ASCC3: variants seen among roughly 807,000 people sequenced by gnomAD.
ASCC3 encodes activating signal cointegrator 1 complex subunit 3, also known as ASC-1 complex subunit P200.
Under a neutral mutation model 256.3 loss-of-function variants are expected in ASCC3, and 158 were observed. That is an observed-to-expected ratio of 0.62 (90% CI 0.54 to 0.70). The LOEUF (loss-of-function observed/expected upper bound fraction) is 0.70, where lower values mean the gene tolerates loss of function less well. Among genes scored for constraint, ASCC3 ranks in the 30% least tolerant of loss-of-function variants. The pLI, the probability that ASCC3 is intolerant of heterozygous loss-of-function variation, is 0.00. For missense variants in ASCC3, 2,259 were observed against 2,626.0 expected (o/e 0.86, Z 3.05); for synonymous variants, 948 against 883.4 (o/e 1.07, Z -1.30).
At chr6:100,692,194 C>T (rs1208268431) in intron 13 of ASCC3, among the ~76,000 whole-genome samples, 1 of 152,022 alleles carries the variant, frequency 6.6e-6, no homozygotes, top group Non-Finnish European at 1.5e-5. Flanking sequence ...AAACTGCTAT[C>T]ATATCTCTGG....
chr6:100,618,210 A>T (rs967285946), intron 30 of ASCC3, among the ~76,000 whole-genome samples: 1 of 152,128 alleles, frequency 6.6e-6, no homozygotes, highest in South Asian at 2.1e-4. Context: ...AAAACTGTTG[A>T]TCATAAACTG....
chr6:100,847,433 G>A (rs1772437547), intron 4 of ASCC3, among the ~76,000 whole-genome samples: 1 of 152,008 alleles, frequency 6.6e-6, no homozygotes, highest in Non-Finnish European at 1.5e-5. Context: ...AATGTTAGTT[G>A]GCATAACACC....
chr6:100,627,344 G>A (rs1774291804), intron 29 of ASCC3, among the ~76,000 whole-genome samples: 1 of 152,108 alleles, frequency 6.6e-6, no homozygotes, highest in East Asian at 1.9e-4. Flanking sequence ...AGAAAACTCT[G>A]ATAACTTTTT....
intron 36 of ASCC3, among the ~76,000 whole-genome samples, chr6:100,563,754 A>C (rs115645576): frequency 0.037 from 5,683 of 152,236 alleles, 329 homozygotes; most frequent in African/African-American, 0.13. Context: ...GATACTTGTT[A>C]TATGTAGAAA....
chr6:100,511,937 A>G (rs976460782), intron 40 of ASCC3, among the ~76,000 whole-genome samples: 5 of 152,180 alleles, frequency 3.3e-5, no homozygotes, highest in Non-Finnish European at 7.4e-5. Flanking sequence ...TATTCTAGAT[A>G]TGGGAAAGCC....
At chr6:100,515,819 T>G (rs974943320) in intron 39 of ASCC3, among the ~76,000 whole-genome samples, 10 of 152,144 alleles carry the variant, frequency 6.6e-5, no homozygotes, top group Non-Finnish European at 1.5e-4. Flanking sequence ...AGACGAGTGA[T>G]GGACAAGCTA....
chr6:100,691,353 T>C (rs933658158), intron 13 of ASCC3, among the ~76,000 whole-genome samples: 3 of 152,038 alleles, frequency 2.0e-5, no homozygotes, highest in African/African-American at 4.8e-5. Flanking sequence ...ATTTCTCCTT[T>C]ACTGTAAATT....
chr6:100,636,167 A>G (rs1185633581), intron 25 of ASCC3, among the ~76,000 whole-genome samples: 1 of 152,158 alleles, frequency 6.6e-6, no homozygotes, highest in East Asian at 1.9e-4. Flanking sequence ...TGGCAACCCC[A>G]CATCGAGCAA....
At chr6:100,692,277 G>A (rs1242210758) in intron 13 of ASCC3, among the ~76,000 whole-genome samples, 1 of 151,816 alleles carries the variant, frequency 6.6e-6, no homozygotes, top group African/African-American at 2.4e-5. Flanking sequence ...GGTTTTTCAT[G>A]GTTTGACACT....
chr6:100,753,004 C>A (rs1456991520), intron 10 of ASCC3, among the ~76,000 whole-genome samples: 1 of 151,706 alleles, frequency 6.6e-6, no homozygotes, highest in East Asian at 1.9e-4. Flanking sequence ...GTAAATAGGC[C>A]CCTTTCAGAG....
chr6:100,584,371 T>G (rs1170602738), intron 36 of ASCC3, among the ~76,000 whole-genome samples: 1 of 151,756 alleles, frequency 6.6e-6, no homozygotes, highest in Non-Finnish European at 1.5e-5. Flanking sequence ...TGATCTTTGT[T>G]GGTTTAAAGT....
At chr6:100,607,462 A>C (rs1325436854) in intron 30 of ASCC3, among the ~76,000 whole-genome samples, 1 of 151,948 alleles carries the variant, frequency 6.6e-6, no homozygotes, top group African/African-American at 2.4e-5. Flanking sequence ...AAATTTTAAA[A>C]ATACAGACCA....
At chr6:100,816,919 T>C (rs551985316) in intron 4 of ASCC3, among the ~76,000 whole-genome samples, 9 of 149,918 alleles carry the variant, frequency 6.0e-5, no homozygotes, top group African/African-American at 2.2e-4. Context: ...AGTTAAGAAA[T>C]ATAAAAAAAG....
At position 100,798,687 on chromosome 6, in the gene ASCC3, T is replaced by C. The variant is rs74860341; in HGVS notation, c.1395+26A>G. The C allele has an allele frequency of 0.011, 18,063 of 1,610,770 alleles. 913 individuals carry two copies. In the East Asian group the frequency reaches 0.14, roughly 13 times the overall value. The stretch of plus-strand genomic sequence containing the variant: ...TACCGCATACCAAGCCTCAAAACTA[T>C]CAACTCTATAAAAGGCTCATCTCAC... On this transcript the variant is annotated intron_variant, in intron 8 of 41. Coordinates refer to ENST00000369162, the MANE Select transcript of ASCC3 (RefSeq NM_006828.4).
intron 4 of ASCC3, among the ~76,000 whole-genome samples, chr6:100,831,222 A>C (rs1043351688): frequency 6.6e-6 from 1 of 151,948 alleles, no homozygotes; most frequent in African/African-American, 2.4e-5. Flanking sequence ...TTTCCCTTTT[A>C]TGCTTGAGAG....
chr6:100,615,361 C>A (rs992382237), intron 30 of ASCC3, among the ~76,000 whole-genome samples: 2 of 147,736 alleles, frequency 1.4e-5, no homozygotes, highest in East Asian at 2.0e-4. Flanking sequence ...CTTTTCTATT[C>A]GATATTGTTG....
intron 36 of ASCC3, among the ~76,000 whole-genome samples, chr6:100,541,115 T>C (rs1230143590): frequency 6.6e-6 from 1 of 152,088 alleles, no homozygotes; most frequent in African/African-American, 2.4e-5. Context: ...GACTGATCTA[T>C]TTATTAGCGT....
chr6:100,713,595 T>C lies in ASCC3; in HGVS notation c.2151+1867A>G, dbSNP rs9403996. Among the ~76,000 whole-genome samples, 392 of 152,290 alleles carry C rather than the reference T, an allele frequency of 2.6e-3. 2 individuals carry two copies. Among genetic ancestry groups the C allele is most frequent in the African/African-American group, 8.8e-3 (367 of 41,578 alleles). On this transcript the variant is annotated intron_variant, in intron 13 of 41. Transcript: ENST00000369162. Reference sequence around the variant, plus strand: ...ACATCTGCATGTCAATGTAGGTTCATTGATTGAATCAAATTATCCCTCTGG... The same window carrying C: ...ACATCTGCATGTCAATGTAGGTTCACTGATTGAATCAAATTATCCCTCTGG...
intron 14 of ASCC3, among the ~76,000 whole-genome samples, chr6:100,666,458 T>A (rs377563578): frequency 6.6e-6 from 1 of 152,210 alleles, no homozygotes; most frequent in Non-Finnish European, 1.5e-5. Flanking sequence ...ACAGTTCCAG[T>A]TGCTTCCCAT....
Sources: allele counts gnomAD v4.1 joint callset (sites outside exome capture counted in the v4.1 genomes callset), GRCh38; gene constraint gnomAD v4.1.1; transcripts MANE v1.5; gene names NCBI Gene and HGNC (gene_info 2026-07-23, HGNC 2026-07-21).